RFC4: variants seen among roughly 807,000 people sequenced by gnomAD.
RFC4 encodes replication factor C subunit 4.
In RFC4, 38 loss-of-function variants were observed where a neutral mutation model predicts 47.6. The observed-to-expected ratio is 0.80, with a 90% CI of 0.62 to 1.05. The LOEUF (loss-of-function observed/expected upper bound fraction) is 1.05. Ranked by LOEUF, RFC4 falls within the 50% of genes least tolerant of loss-of-function variation. RFC4 has a pLI of 0.00. For synonymous variants in RFC4, 164 were observed against 150.0 expected (o/e 1.09, Z -0.68); for missense variants, 489 against 434.0 (o/e 1.13, Z -1.13).
At chr3:186,794,999 ATTTCT>A (rs765344644) in intron 4 of RFC4, 162 of 506,736 alleles carry the variant, frequency 3.2e-4, no homozygotes, top group Non-Finnish European at 6.5e-5. Flanking sequence ...AACATATACA[ATTTCT>A]TTTCTTTTTA....
intron 9 of RFC4, 27 bp downstream of exon 9, chr3:186,790,299 T>TC (rs775970065): frequency 1.2e-6 from 2 of 1,612,124 alleles, no homozygotes; most frequent in South Asian, 2.2e-5. Context: ...AATATTCCTT[T>TC]CCCCAAAGTT....
chr3:186,790,863 A>T (rs1722104841), intron 8 of RFC4, among the ~76,000 whole-genome samples: 1 of 152,232 alleles, frequency 6.6e-6, no homozygotes, highest in South Asian at 2.1e-4. Flanking sequence ...GATTAGTGGT[A>T]CCAGTCTTGT....
intron 2 of RFC4, among the ~76,000 whole-genome samples, chr3:186,801,877 G>C (rs1386465973): frequency 2.6e-5 from 4 of 151,440 alleles, no homozygotes; most frequent in African/African-American, 9.7e-5. Flanking sequence ...TATAAAATTA[G>C]CCGGGCATGG....
intron 3 of RFC4, 50 bp from the exon 4 acceptor site, chr3:186,797,664 G>C (rs1263654410): frequency 2.3e-6 from 3 of 1,307,988 alleles, no homozygotes; most frequent in Non-Finnish European, 3.3e-6. Context: ...GGCACAAATA[G>C]ATGAAAAGGA....
chr3:186,792,954 C>A lies in RFC4; in HGVS notation c.411-7G>T. The A allele has an allele frequency of 1.2e-6, 2 of 1,610,190 alleles. No individual in the cohort carries two copies. The highest frequency in any genetic ancestry group is 1.7e-6 in the Non-Finnish European group (2 of 1,178,486). On this transcript the variant is annotated splice_polypyrimidine_tract_variant and splice_region_variant and intron_variant, in intron 5 of 10. Transcript: ENST00000296273. ...AGGCGGACACGGCTTCCCACTGATTCAGAGAAACACATAAGAGTTGAACAT... is the reference window on the plus strand; with the variant it reads ...AGGCGGACACGGCTTCCCACTGATTAAGAGAAACACATAAGAGTTGAACAT...
At chr3:186,801,259 A>C in intron 2 of RFC4, 64 bp from the exon 3 acceptor site, 19 of 1,188,502 alleles carry the variant, frequency 1.6e-5, no homozygotes, top group East Asian at 2.3e-5. Context: ...GAAAACTCTC[A>C]AGTGTTCCTT....
rs78114261 is a variant in RFC4 at position 186,793,528 on chromosome 3, T to C, written c.411-581A>G. ...TACCATTTTACATTCCAACCAGCAA[T>C]GTATGCGGTTTACCATTTCTCCACA... On this transcript the variant is annotated intron_variant, in intron 5 of 10. Coordinates refer to ENST00000296273, the MANE Select transcript of RFC4 (RefSeq NM_002916.5). The surrounding 1 kb of genome is among the most constrained non-coding windows in gnomAD (Gnocchi z 4.2). 3.1e-4 allele frequency among the ~76,000 whole-genome samples: 47 copies of C among 152,318 alleles called. No individual in the cohort carries two copies. In the East Asian group the frequency reaches 7.7e-3, roughly 25 times the overall value.
chr3:186,805,272 G>A (rs1367436083), intron 1 of RFC4, among the ~76,000 whole-genome samples: 1 of 152,180 alleles, frequency 6.6e-6, no homozygotes, highest in Non-Finnish European at 1.5e-5. Flanking sequence ...CTAGGATGGA[G>A]TGCAGTGGCG....
At chr3:186,805,936 G>A (rs1286391159) in intron 1 of RFC4, among the ~76,000 whole-genome samples, 1 of 152,204 alleles carries the variant, frequency 6.6e-6, no homozygotes, top group Non-Finnish European at 1.5e-5. Context: ...AGGAGCTAAG[G>A]CCTATTCCAC....
At chr3:186,802,792 T>C (rs1010422565) in intron 2 of RFC4, among the ~76,000 whole-genome samples, 3 of 152,196 alleles carry the variant, frequency 2.0e-5, no homozygotes, top group African/African-American at 4.8e-5. Context: ...GGGACTCATA[T>C]TCAAATACCT....
In RFC4 at chr3:186,793,401, G is replaced by A. The variant is rs778344366; in HGVS notation, c.411-454C>T. ...CACCACATTTATTCATCCATTAATCGGTTGGACATTTGGGCTGTTTCCATG... is the reference window on the plus strand; with the variant it reads ...CACCACATTTATTCATCCATTAATCAGTTGGACATTTGGGCTGTTTCCATG... On this transcript the variant is annotated intron_variant, in intron 5 of 10. Transcript: ENST00000296273. The surrounding 1 kb of genome is among the most constrained non-coding windows in gnomAD (Gnocchi z 4.2). 6.6e-6 allele frequency among the ~76,000 whole-genome samples: 1 copy of A among 152,120 alleles called. No homozygotes were observed. Among genetic ancestry groups the A allele is most frequent in the Non-Finnish European group, 1.5e-5 (1 of 68,038 alleles).
rs3917140 is a variant in RFC4 at position 186,790,480 on chromosome 3, G to A, written c.802-74C>T. The A allele has an allele frequency of 6.3e-4, 646 of 1,022,246 alleles. 5 individuals carry two copies. The African/African-American group carries it at 8.7e-3, about 14-fold the overall frequency. The allele number at this position is 1,022,246 out of a possible 1,614,324, so 63.3% of individuals were successfully genotyped here. A position where few individuals can be genotyped will look rare whatever the true frequency, so the allele number is the denominator to read the frequency against. On this transcript the variant is annotated intron_variant, in intron 8 of 10. Coordinates refer to ENST00000296273, the MANE Select transcript of RFC4 (RefSeq NM_002916.5). ...ACATACACTCTGCCAACTGGCCCCCGTGCCCCCAGTCATTTCTGTTCCACA... is the reference window on the plus strand; with the variant it reads ...ACATACACTCTGCCAACTGGCCCCCATGCCCCCAGTCATTTCTGTTCCACA...
chr3:186,804,674 G>A lies in RFC4; in HGVS notation c.40C>T (p.Pro14Ser), dbSNP rs762788766. Residue 14 changes from proline (P) to serine (S), a missense_variant, in exon 2 of 11, where the codon CCC becomes TCC. This residue lies in a region of RFC4 where 206 missense variants were observed against 257.8 expected (regional missense o/e 0.80). Transcript: ENST00000296273. ...FLKGTSISTK[P>S]PLTKDRGVAA... ...ACTCCTCGATCCTTGGTCAGCGGGG[G>A]TTTAGTACTGATGGATGTACCTTTA... The A allele has an allele frequency of 5.6e-6, 9 of 1,613,874 alleles. No homozygotes were observed. The highest frequency in any genetic ancestry group is 7.6e-6 in the Non-Finnish European group (9 of 1,179,904).
In RFC4 at chr3:186,801,710, CAAAA is replaced by C. The variant is rs34281312; in HGVS notation, c.132-519_132-516del. Among the ~76,000 whole-genome samples, 463 of 72,906 alleles carry C rather than the reference CAAAA, an allele frequency of 6.4e-3. 1 individual carries two copies. The highest frequency in any genetic ancestry group is 0.022 in the African/African-American group (388 of 17,858). 47.8% of individuals were successfully genotyped at this position (72,906 alleles called of 152,430 possible). On this transcript the variant is annotated intron_variant, in intron 2 of 10. Coordinates refer to ENST00000296273, the MANE Select transcript of RFC4 (RefSeq NM_002916.5). ...TGGGTGACAGAGGGAGACTCTGTCT[CAAAA>C]AAAAAAAAAAAAAAAAAGAAATTAA...
In RFC4 at chr3:186,792,852, T is replaced by C; in HGVS notation, c.506A>G (p.Lys169Arg). 1 of 1,614,090 alleles carries C rather than the reference T, an allele frequency of 6.2e-7. No homozygotes were observed. The highest frequency in any genetic ancestry group is 8.5e-7 in the Non-Finnish European group (1 of 1,179,960). The change falls in exon 6 of 11, where the codon AAG becomes AGG. Residue 169 changes from lysine (K) to arginine (R), a missense_variant. By Grantham distance (26) the Lys-to-Arg change is conservative. Transcript: ENST00000296273. The part of the protein sequence containing the change: ...AQAALRRTME[K>R]ESKTTRFCLI... Reference sequence around the variant, plus strand: ...ACAGAATCGGGTGGTTTTCGACTCCTTCTCCATGGTACGTCTTAAAGCTGC... The same window carrying C: ...ACAGAATCGGGTGGTTTTCGACTCCCTCTCCATGGTACGTCTTAAAGCTGC...
rs746846143 is a variant in RFC4, at chr3:186,790,262, TAAA to T, written c.883-10_883-8del. The T allele has an allele frequency of 5.5e-5, 89 of 1,611,420 alleles. No homozygotes were observed. The highest frequency in any genetic ancestry group is 1.1e-4 in the East Asian group (5 of 44,880). On this transcript the variant is annotated splice_polypyrimidine_tract_variant and splice_region_variant and intron_variant, in intron 9 of 10. Transcript: ENST00000296273. Reference sequence around the variant, plus strand: ...GACCCTCATCTATTAAATCCTATAATAAAAAAAACTTTTGGTATGATGACTTAA... The same window carrying T: ...GACCCTCATCTATTAAATCCTATAATAAAAACTTTTGGTATGATGACTTAA...
chr3:186,794,896 C>T (rs1722212517), intron 4 of RFC4, 119 bp from the exon 5 acceptor site: 1 of 1,105,794 alleles, frequency 9.0e-7, no homozygotes, highest in South Asian at 1.5e-5. Flanking sequence ...GGATAGAAGG[C>T]ACACAATCAC....
intron 2 of RFC4, among the ~76,000 whole-genome samples, chr3:186,802,724 A>C (rs1722383876): frequency 6.6e-6 from 1 of 152,150 alleles, no homozygotes; most frequent in Non-Finnish European, 1.5e-5. Context: ...ACTAGGTAGG[A>C]ATTATGATTT....
In RFC4 at chr3:186,796,370, C is replaced by T. The variant is rs1181928775; in HGVS notation, c.290+1165G>A. ...TCAAAAAAGTTCTTCTATAATTTTA[C>T]TGAGAATAAAAAATTGCTGTCAAAT... On this transcript the variant is annotated intron_variant, in intron 4 of 10. Transcript: ENST00000296273. This position sits in a 1 kb window ranked among gnomAD's most constrained non-coding sequence, Gnocchi z 4.2. Among the ~76,000 whole-genome samples the T allele has an allele frequency of 6.6e-6, 1 of 152,156 alleles. No individual in the cohort carries two copies. Among genetic ancestry groups the T allele is most frequent in the Non-Finnish European group, 1.5e-5 (1 of 68,032 alleles).
Sources: gnomAD v4.1 joint callset for allele counts (sites outside exome capture counted in the v4.1 genomes callset) on GRCh38, gnomAD v4.1.1 for gene constraint, gnomAD v4.1.1 regional missense constraint, Gnocchi (gnomAD v3.1) non-coding constraint, MANE v1.5 for transcripts, NCBI Gene and HGNC (gene_info 2026-07-23, HGNC 2026-07-21) for gene names.